The following MACROD2 variants were observed in gnomAD, a reference collection of about 807,000 sequenced individuals.
MACROD2 encodes ADP-ribose glycohydrolase MACROD2.
MACROD2 carries 36 observed loss-of-function variants against 70.4 expected under a neutral mutation model. The observed-to-expected ratio is 0.51, with a 90% CI of 0.39 to 0.68. MACROD2 has a LOEUF of 0.68. Among genes scored for constraint, MACROD2 ranks in the 30% least tolerant of loss-of-function variants. The probability of loss-of-function intolerance (pLI) is 0.00; values close to 1 mark genes in which losing one functional copy is unlikely to be tolerated. For synonymous variants in MACROD2, 172 were observed against 178.8 expected, an observed-to-expected ratio of 0.96 and a Z score of 0.30; for missense variants, 496 against 538.4, an observed-to-expected ratio of 0.92 and a Z score of 0.78.
chr20:14,041,006 A>C (rs2053383158), intron 2 of MACROD2, among the ~76,000 whole-genome samples: 1 of 152,202 alleles, frequency 6.6e-6, no homozygotes, highest in Non-Finnish European at 1.5e-5. Flanking sequence ...ACTTGAGTGA[A>C]GAAGAAAAAT....
intron 4 of MACROD2, chr20:14,566,560 C>T (rs762157507): frequency 4.6e-5 from 7 of 151,720 alleles, no homozygotes; most frequent in East Asian, 2.0e-4. Context: ...ATTTTTCAAC[C>T]GTAAGATGGG....
intron 5 of MACROD2, among the ~76,000 whole-genome samples, chr20:15,074,009 A>T (rs1477502135): frequency 2.6e-5 from 4 of 152,188 alleles, no homozygotes; most frequent in African/African-American, 7.2e-5. Flanking sequence ...TTAGGTCTTT[A>T]TTTTACTATG....
intron 4 of MACROD2, among the ~76,000 whole-genome samples, chr20:14,603,289 G>C (rs139316070): frequency 1.3e-5 from 2 of 152,286 alleles, no homozygotes; most frequent in Non-Finnish European, 2.9e-5. Flanking sequence ...AATTGTGGAT[G>C]ATGGTACCAA....
At position 14,577,381 on chromosome 20, in the gene MACROD2, G is replaced by A. The variant is rs57145109; in HGVS notation, c.301+83873G>A. 5.2e-3 allele frequency among the ~76,000 whole-genome samples: 796 copies of A among 152,202 alleles called. 6 individuals are homozygous for A. Among genetic ancestry groups the A allele is most frequent in the African/African-American group, 0.017 (704 of 41,528 alleles). On this transcript the variant is annotated intron_variant, in intron 4 of 17. Transcript: ENST00000684519. ...AAGAATTACTTTCCTCTTGTAAAGC[G>A]TATATTTCAAAACCATAATTATTTT...
chr20:15,101,802 A>C (rs921924949), intron 5 of MACROD2, among the ~76,000 whole-genome samples: 1 of 152,048 alleles, frequency 6.6e-6, no homozygotes, highest in Non-Finnish European at 1.5e-5. Flanking sequence ...TAAAAGGTCT[A>C]TCCAACATTG....
chr20:14,764,387 C>T (rs1259738298), intron 5 of MACROD2, among the ~76,000 whole-genome samples: 1 of 152,036 alleles, frequency 6.6e-6, no homozygotes, highest in African/African-American at 2.4e-5. Flanking sequence ...GAAACCTGCC[C>T]ATACATCATG....
At chr20:15,422,345 G>C (rs570353446) in intron 6 of MACROD2, among the ~76,000 whole-genome samples, 6 of 152,156 alleles carry the variant, frequency 3.9e-5, no homozygotes, top group Middle Eastern at 3.2e-3. Context: ...GGCTGTAAGA[G>C]AACTGTTCTC....
intron 8 of MACROD2, among the ~76,000 whole-genome samples, chr20:15,533,781 G>A (rs2047837672): frequency 6.6e-6 from 1 of 152,188 alleles, no homozygotes; most frequent in Admixed American, 6.5e-5. Context: ...GATGGAGGAG[G>A]GAGGGAACTT....
intron 6 of MACROD2, among the ~76,000 whole-genome samples, chr20:15,289,499 C>G: frequency 6.6e-6 from 1 of 152,166 alleles, no homozygotes; most frequent in East Asian, 1.9e-4. Context: ...TTGATTTCCT[C>G]TATGAGAACC....
chr20:14,317,098 T>G (rs536927751), intron 3 of MACROD2, among the ~76,000 whole-genome samples: 1 of 152,182 alleles, frequency 6.6e-6, no homozygotes, highest in Non-Finnish European at 1.5e-5. Flanking sequence ...TTAAACACAT[T>G]AAGCTGATTT....
rs543250128 is a variant in MACROD2, at chr20:14,122,257, G to C, written c.271+36529G>C. ...GTTATTATCTGTGGCAAGTCACTTA[G>C]CTCCTCTCAGTATCTCTGTTTCCTC... On this transcript the variant is annotated intron_variant, in intron 3 of 17. Transcript: ENST00000684519. 1.6e-4 allele frequency among the ~76,000 whole-genome samples: 24 copies of C among 152,262 alleles called. No homozygotes were observed. In the East Asian group the frequency reaches 1.9e-3, roughly 12 times the overall value.
intron 6 of MACROD2, among the ~76,000 whole-genome samples, chr20:15,273,306 G>T (rs2077362009): frequency 1.3e-5 from 2 of 151,922 alleles, no homozygotes; most frequent in South Asian, 2.1e-4. Context: ...TCAAACATTG[G>T]ACTCCAATTT....
intron 5 of MACROD2, among the ~76,000 whole-genome samples, chr20:14,795,807 T>G (rs1273304329): frequency 6.6e-6 from 1 of 152,028 alleles, no homozygotes; most frequent in East Asian, 1.9e-4. Context: ...ACTGGAATAG[T>G]AGGAGTGACA....
At chr20:14,945,084 T>G (rs1374785451) in intron 5 of MACROD2, among the ~76,000 whole-genome samples, 1 of 152,074 alleles carries the variant, frequency 6.6e-6, no homozygotes, top group East Asian at 1.9e-4. Context: ...CTCTTTGAAG[T>G]CCTAATGGCT....
intron 2 of MACROD2, among the ~76,000 whole-genome samples, chr20:14,045,439 G>T (rs943665543): frequency 6.6e-6 from 1 of 152,242 alleles, no homozygotes; most frequent in East Asian, 1.9e-4. Flanking sequence ...CTTCATAAGG[G>T]TATGGGATTG....
At chr20:14,867,941 A>G (rs887896952) in intron 5 of MACROD2, among the ~76,000 whole-genome samples, 2 of 152,212 alleles carry the variant, frequency 1.3e-5, no homozygotes, top group African/African-American at 2.4e-5. Context: ...CTTATACCTC[A>G]ATCACAACTG....
At chr20:15,083,895 T>C (rs2075724450) in intron 5 of MACROD2, among the ~76,000 whole-genome samples, 4 of 152,054 alleles carry the variant, frequency 2.6e-5, no homozygotes, top group African/African-American at 7.2e-5. Context: ...TCTGTATCTC[T>C]GTATCTTCCT....
intron 3 of MACROD2, among the ~76,000 whole-genome samples, chr20:14,163,971 A>G (rs1256527558): frequency 6.6e-6 from 1 of 152,006 alleles, no homozygotes; most frequent in Non-Finnish European, 1.5e-5. Flanking sequence ...GTTGATTGCT[A>G]GAGAATTACT....
chr20:15,949,730 A>G (rs2065879526), intron 12 of MACROD2, among the ~76,000 whole-genome samples: 1 of 152,180 alleles, frequency 6.6e-6, no homozygotes, highest in South Asian at 2.1e-4. Flanking sequence ...TGCCTAGTCC[A>G]TATTTTGAAA....
Sources: gnomAD v4.1 joint callset for allele counts (sites outside exome capture counted in the v4.1 genomes callset) on GRCh38, gnomAD v4.1.1 for gene constraint, MANE v1.5 for transcripts, NCBI Gene and HGNC (gene_info 2026-07-23, HGNC 2026-07-21) for gene names.